RANBP9: variants seen among roughly 807,000 people sequenced by gnomAD.
RANBP9 encodes the protein RAN binding protein 9.
In RANBP9, 15 loss-of-function variants were observed where a neutral mutation model predicts 84.3. That is an observed-to-expected ratio of 0.18 (90% CI 0.12 to 0.27). RANBP9 has a LOEUF of 0.27. Ranked by LOEUF, RANBP9 falls within the 10% of genes least tolerant of loss-of-function variation. The pLI, the probability that RANBP9 is intolerant of heterozygous loss-of-function variation, is 1.00. For synonymous variants in RANBP9, 392 were observed against 349.6 expected (o/e 1.12, Z -1.35); for missense variants, 809 against 912.8 (o/e 0.89, Z 1.46).
rs200116236 is a variant in RANBP9 at position 13,649,704 on chromosome 6, AT to A, written c.927+2954del. Among the ~76,000 whole-genome samples the A allele has an allele frequency of 3.6e-4, 55 of 151,076 alleles. No homozygotes were observed. In the South Asian group the frequency reaches 6.3e-3, roughly 17 times the overall value. On this transcript the variant is annotated intron_variant, in intron 5 of 13. Transcript: ENST00000011619. ...TCAGCATACTCAATCTCCTAACTTA[AT>A]TTTTTTTTCTACTGCCCCCACTTCC...
intron 5 of RANBP9, among the ~76,000 whole-genome samples, chr6:13,647,910 A>C (rs1562303799): frequency 6.6e-6 from 1 of 152,136 alleles, no homozygotes; most frequent in African/African-American, 2.4e-5. Flanking sequence ...AGATTTTAAA[A>C]AACAACGGCC....
intron 2 of RANBP9, among the ~76,000 whole-genome samples, chr6:13,693,445 G>A (rs1361481492): frequency 6.6e-6 from 1 of 152,122 alleles, no homozygotes; most frequent in African/African-American, 2.4e-5. Flanking sequence ...ATACACTGCT[G>A]GTAGAAATGC....
chr6:13,631,181 T>C (rs993786869), intron 12 of RANBP9, among the ~76,000 whole-genome samples: 1 of 152,222 alleles, frequency 6.6e-6, no homozygotes, highest in African/African-American at 2.4e-5. Context: ...AATTTAACTT[T>C]TTTGATAGCT....
At chr6:13,704,836 T>A (rs1179313755) in intron 1 of RANBP9, among the ~76,000 whole-genome samples, 1 of 152,114 alleles carries the variant, frequency 6.6e-6, no homozygotes, top group African/African-American at 2.4e-5. Context: ...TAGCCTCGAC[T>A]CCTCCAAGAA....
chr6:13,642,179 A>G lies in RANBP9; in HGVS notation c.1225+300T>C, dbSNP rs1765080897. ...CAGGACTACTTTATTATTATTTTTA[A>G]ATCTTTTTATTAAATGTTTATTTCC... On this transcript the variant is annotated intron_variant, in intron 7 of 13. Coordinates refer to ENST00000011619, the MANE Select transcript of RANBP9 (RefSeq NM_005493.3). Among the ~76,000 whole-genome samples, 3 of 152,290 alleles carry G rather than the reference A, an allele frequency of 2.0e-5. No individual in the cohort carries two copies. In the South Asian group the frequency reaches 6.2e-4, roughly 32 times the overall value.
chr6:13,666,320 C>A (rs74701317), intron 2 of RANBP9, among the ~76,000 whole-genome samples: 1,927 of 151,836 alleles, frequency 0.013, 47 homozygotes, highest in African/African-American at 0.045. Context: ...TCATGACATA[C>A]GAGTTTCAAA....
At position 13,675,607 on chromosome 6, in the gene RANBP9, A is replaced by G. The variant is rs1435470609; in HGVS notation, c.684-16775T>C. On this transcript the variant is annotated intron_variant, in intron 2 of 13. Transcript: ENST00000011619. ...AATACAAACCTAGAGAAAGAAGAAG[A>G]AATGAGAAATAGAGATAGCAATGAA... Among the ~76,000 whole-genome samples the G allele has an allele frequency of 2.0e-5, 3 of 152,138 alleles. No homozygotes were observed. In the East Asian group the frequency reaches 5.8e-4, roughly 29 times the overall value.
chr6:13,676,331 A>C (rs1765885508), intron 2 of RANBP9, among the ~76,000 whole-genome samples: 1 of 152,166 alleles, frequency 6.6e-6, no homozygotes, highest in Non-Finnish European at 1.5e-5. Flanking sequence ...TCCAAAAAAA[A>C]CAAACACTGG....
At chr6:13,693,097 T>C (rs1352655225) in intron 2 of RANBP9, among the ~76,000 whole-genome samples, 1 of 152,214 alleles carries the variant, frequency 6.6e-6, no homozygotes, top group Non-Finnish European at 1.5e-5. Context: ...AGAAAAGGCA[T>C]ATTCCTACTT....
rs147221551 is a variant in RANBP9, at chr6:13,646,110, A to G, written c.928-1381T>C. 4.6e-5 allele frequency among the ~76,000 whole-genome samples: 7 copies of G among 152,282 alleles called. No individual in the cohort carries two copies. The East Asian group carries it at 9.6e-4, about 21-fold the overall frequency. On this transcript the variant is annotated intron_variant, in intron 5 of 13. Coordinates refer to ENST00000011619, the MANE Select transcript of RANBP9 (RefSeq NM_005493.3). The stretch of plus-strand genomic sequence containing the variant: ...TTCACCAATGAGAAAACTGAGACCT[A>G]AAGACTTTATAGAAACAGGCCAGGC...
At chr6:13,645,072 TCAACTATAAACA>T (rs1041587836) in intron 5 of RANBP9, among the ~76,000 whole-genome samples, 2 of 152,208 alleles carry the variant, frequency 1.3e-5, no homozygotes, top group African/African-American at 2.4e-5. Context: ...TTACAGAAAT[TCAACTATAAACA>T]CATAACTCAG....
At chr6:13,624,959 T>C (rs1764560127) in intron 13 of RANBP9, among the ~76,000 whole-genome samples, 1 of 152,208 alleles carries the variant, frequency 6.6e-6, no homozygotes, top group Non-Finnish European at 1.5e-5. Flanking sequence ...AGGCTGCTGC[T>C]ACCCATTGCA....
At chr6:13,697,046 A>G in intron 1 of RANBP9, 150 bp from the exon 2 acceptor site, 1 of 556,420 alleles carries the variant, frequency 1.8e-6, no homozygotes. Context: ...GTTTATCATC[A>G]CCATGAACCC....
At chr6:13,663,520 A>G (rs1765580336) in intron 2 of RANBP9, among the ~76,000 whole-genome samples, 1 of 152,128 alleles carries the variant, frequency 6.6e-6, no homozygotes, top group African/African-American at 2.4e-5. Context: ...TATGACAATT[A>G]CAGCAAGGAC....
chr6:13,711,415 A>G lies in RANBP9; in HGVS notation c.91T>C (p.Ser31Pro). The G allele has an allele frequency of 8.4e-7, 1 of 1,187,118 alleles. No homozygotes were observed. Among genetic ancestry groups the G allele is most frequent in the Non-Finnish European group, 1.0e-6 (1 of 959,844 alleles). 73.5% of individuals were successfully genotyped at this position (1,187,118 alleles called of 1,614,324 possible). ...PPPPAALAPV[S>P]GVVLPAPPAV... is the part of the protein sequence containing the mutation. ...GGGGGCGCCGGCAGGACGACTCCGGAGACTGGGGCCAAGGCCGCCGGCGGT... is the reference window on the plus strand; with the variant it reads ...GGGGGCGCCGGCAGGACGACTCCGGGGACTGGGGCCAAGGCCGCCGGCGGT... The change falls in exon 1 of 14, where the codon TCC becomes CCC. Residue 31 changes from serine (S) to proline (P), a missense_variant. Ser to Pro is a moderately conservative substitution (Grantham distance 74). Around this residue, in one of 5 missense-constraint regions of RANBP9, gnomAD observed 302 missense variants for 240.1 expected, o/e 1.26. Coordinates refer to ENST00000011619, the MANE Select transcript of RANBP9 (RefSeq NM_005493.3).
At chr6:13,646,147 C>T (rs1006724551) in intron 5 of RANBP9, among the ~76,000 whole-genome samples, 5 of 152,168 alleles carry the variant, frequency 3.3e-5, no homozygotes, top group Non-Finnish European at 7.3e-5. Context: ...TGGTGGCTCA[C>T]GCCTGTAATC....
chr6:13,666,720 A>ACT (rs1260769424), intron 2 of RANBP9, among the ~76,000 whole-genome samples: 1 of 151,534 alleles, frequency 6.6e-6, no homozygotes, highest in African/African-American at 2.4e-5. Context: ...ACATGATGGT[A>ACT]CTACTGCACT....
intron 2 of RANBP9, among the ~76,000 whole-genome samples, chr6:13,680,595 T>TA (rs1173251646): frequency 6.6e-6 from 1 of 151,114 alleles, no homozygotes; most frequent in African/African-American, 2.4e-5. Context: ...AAAATAAAAA[T>TA]AAAAAATAAA....
rs1158703046 is a variant in RANBP9, at chr6:13,711,558, C to T, written c.-53G>A. 6.5e-6 allele frequency: 8 copies of T among 1,234,578 alleles called. No individual in the cohort carries two copies. Among genetic ancestry groups the T allele is most frequent in the Non-Finnish European group, 8.1e-6 (8 of 982,964 alleles). The allele number at this position is 1,234,578 out of a possible 1,614,324, so 76.5% of individuals were successfully genotyped here. On this transcript the variant is annotated 5_prime_UTR_variant, in exon 1 of 14. Transcript: ENST00000011619. ...CTCCACCTCTTCTCTCCTTCCTCCTCTGCTTCCCGGGGGCGCTGTCGCTGC... is the reference window on the plus strand; with the variant it reads ...CTCCACCTCTTCTCTCCTTCCTCCTTTGCTTCCCGGGGGCGCTGTCGCTGC...
Sources: allele counts gnomAD v4.1 joint callset (sites outside exome capture counted in the v4.1 genomes callset), GRCh38; gene constraint gnomAD v4.1.1; regional missense constraint gnomAD v4.1.1; transcripts MANE v1.5; gene names NCBI Gene and HGNC (gene_info 2026-07-23, HGNC 2026-07-21).